Variants in LRP1B observed in about 807,000 individuals in gnomAD.
LRP1B encodes the protein LDL receptor related protein 1B.
LRP1B carries 217 observed loss-of-function variants against 556.6 expected under a neutral mutation model. The observed-to-expected ratio is 0.39, with a 90% CI of 0.35 to 0.44. The LOEUF is 0.44. Ranked by LOEUF, LRP1B falls within the 20% of genes least tolerant of loss-of-function variation. The pLI is 1.00. For missense variants in LRP1B, 5,053 were observed against 5,620.8 expected (o/e 0.90, Z 3.23); for synonymous variants, 2,047 against 1,865.8 (o/e 1.10, Z -2.50).
chr2:141,534,307 A>G (rs1173810856), intron 2 of LRP1B, among the ~76,000 whole-genome samples: 1 of 152,178 alleles, frequency 6.6e-6, no homozygotes, highest in Non-Finnish European at 1.5e-5. Context: ...ATTGAAAATT[A>G]TTTTAAAGCA....
intron 66 of LRP1B, among the ~76,000 whole-genome samples, chr2:140,429,437 C>A (rs182479495): frequency 6.6e-6 from 1 of 152,262 alleles, no homozygotes; most frequent in East Asian, 1.9e-4. Context: ...AGCCTCTCTT[C>A]GCTTTCACTT....
intron 79 of LRP1B, among the ~76,000 whole-genome samples, chr2:140,327,521 A>G (rs1211324340): frequency 6.6e-6 from 1 of 152,054 alleles, no homozygotes; most frequent in Non-Finnish European, 1.5e-5. Context: ...AATATGAACC[A>G]CAAATTACCC....
intron 1 of LRP1B, among the ~76,000 whole-genome samples, chr2:142,120,710 A>G (rs1265832309): frequency 6.6e-6 from 1 of 152,198 alleles, no homozygotes; most frequent in Admixed American, 6.5e-5. Flanking sequence ...TATTGCTTCC[A>G]TACTTGTCAA....
At chr2:142,053,710 A>T (rs905305546) in intron 1 of LRP1B, among the ~76,000 whole-genome samples, 1 of 152,152 alleles carries the variant, frequency 6.6e-6, no homozygotes, top group Non-Finnish European at 1.5e-5. Context: ...AATTGTTACA[A>T]AAAGACCATT....
intron 2 of LRP1B, among the ~76,000 whole-genome samples, chr2:141,706,199 C>T (rs1176529534): frequency 1.3e-5 from 2 of 151,998 alleles, no homozygotes; most frequent in African/African-American, 2.4e-5. Flanking sequence ...CTCAGTGGAA[C>T]ACTTACTTTA....
At chr2:141,801,842 T>G (rs1361775842) in intron 2 of LRP1B, among the ~76,000 whole-genome samples, 1 of 152,152 alleles carries the variant, frequency 6.6e-6, no homozygotes, top group African/African-American at 2.4e-5. Context: ...TTTAAGAAAT[T>G]TTTAATTGCT....
chr2:142,124,953 T>C (rs2105018284), intron 1 of LRP1B, among the ~76,000 whole-genome samples: 1 of 151,804 alleles, frequency 6.6e-6, no homozygotes, highest in Non-Finnish European at 1.5e-5. Flanking sequence ...TAGTTACTAG[T>C]CAGTTTCATC....
At chr2:141,059,569 C>A (rs1369328499) in intron 8 of LRP1B, among the ~76,000 whole-genome samples, 1 of 151,700 alleles carries the variant, frequency 6.6e-6, no homozygotes, top group Admixed American at 6.6e-5. Context: ...CTTGCTCCAG[C>A]ACAGAAAGTA....
At chr2:140,814,492 G>C (rs181877686) in intron 31 of LRP1B, among the ~76,000 whole-genome samples, 1 of 152,274 alleles carries the variant, frequency 6.6e-6, no homozygotes, top group African/African-American at 2.4e-5. Flanking sequence ...TCCAAATTGA[G>C]TGCCTGCCCT....
chr2:141,639,408 G>GTA (rs200740931), intron 2 of LRP1B, among the ~76,000 whole-genome samples: 1,814 of 44,362 alleles, frequency 0.041, 53 homozygotes, highest in African/African-American at 0.043. Flanking sequence ...ATATATATGT[G>GTA]TATATATATA....
chr2:140,494,942 G>A (rs1008880703), intron 56 of LRP1B, among the ~76,000 whole-genome samples: 10 of 151,962 alleles, frequency 6.6e-5, no homozygotes, highest in Admixed American at 2.6e-4. Flanking sequence ...CCATTTAACA[G>A]TCATCATCAT....
At chr2:142,062,528 G>A (rs2104894954) in intron 1 of LRP1B, among the ~76,000 whole-genome samples, 1 of 151,854 alleles carries the variant, frequency 6.6e-6, no homozygotes, top group South Asian at 2.1e-4. Context: ...ATGTCTACTA[G>A]ATGGAGCAGA....
At chr2:140,398,905 G>A (rs1684371375) in intron 66 of LRP1B, among the ~76,000 whole-genome samples, 1 of 152,060 alleles carries the variant, frequency 6.6e-6, no homozygotes, top group Non-Finnish European at 1.5e-5. Flanking sequence ...GGGAGTGTGG[G>A]AAGGCATTAG....
intron 2 of LRP1B, 107 bp downstream of exon 2, chr2:141,810,168 GGAAA>G (rs1287006228): frequency 1.0e-4 from 24 of 236,000 alleles, no homozygotes; most frequent in South Asian, 7.2e-4. Context: ...AAAGAAAGAA[GGAAA>G]GAAAGAAAGA....
chr2:140,370,192 C>T (rs1387499111), intron 71 of LRP1B, among the ~76,000 whole-genome samples: 3 of 151,714 alleles, frequency 2.0e-5, no homozygotes, highest in South Asian at 2.1e-4. Context: ...TTTAGACTGA[C>T]AAAAAAATGT....
chr2:141,900,408 C>G (rs755283361), intron 1 of LRP1B, among the ~76,000 whole-genome samples: 6 of 152,048 alleles, frequency 3.9e-5, no homozygotes, highest in Non-Finnish European at 7.4e-5. Flanking sequence ...AATGTATGTT[C>G]CTCAAGAGTT....
intron 7 of LRP1B, among the ~76,000 whole-genome samples, chr2:141,068,951 A>C (rs1251786303): frequency 1.3e-5 from 2 of 152,212 alleles, no homozygotes; most frequent in East Asian, 1.9e-4. Flanking sequence ...TTATGAAGAA[A>C]TATTATTTTG....
At chr2:141,932,365 G>T (rs1038399625) in intron 1 of LRP1B, among the ~76,000 whole-genome samples, 1 of 152,046 alleles carries the variant, frequency 6.6e-6, no homozygotes, top group Non-Finnish European at 1.5e-5. Flanking sequence ...CTTTGCAATT[G>T]TAAAGCACTA....
At chr2:140,430,727 C>T (rs894710009) in intron 66 of LRP1B, among the ~76,000 whole-genome samples, 1 of 152,218 alleles carries the variant, frequency 6.6e-6, no homozygotes, top group Non-Finnish European at 1.5e-5. Flanking sequence ...ATAACCTCTT[C>T]CATGTAGGTT....
Sources: allele counts gnomAD v4.1 joint callset (sites outside exome capture counted in the v4.1 genomes callset), GRCh38; gene constraint gnomAD v4.1.1; transcripts MANE v1.5; gene names NCBI Gene and HGNC (gene_info 2026-07-23, HGNC 2026-07-21).